The following DNAH9 variants were observed in gnomAD, a reference collection of about 807,000 sequenced individuals.
The protein encoded by DNAH9 is DNAH9 variant protein.
In DNAH9, 345 loss-of-function variants were observed where a neutral mutation model predicts 471.6. The ratio of observed to expected loss-of-function variants is 0.73; its 90% CI spans 0.67 to 0.80. DNAH9 has a LOEUF of 0.80. Ranked by LOEUF, DNAH9 falls within the 30% of genes least tolerant of loss-of-function variation. DNAH9 has a pLI of 0.00. For missense variants in DNAH9, 5,407 were observed against 5,609.2 expected, an observed-to-expected ratio of 0.96 and a Z score of 1.15; for synonymous variants, 2,093 against 2,123.6, an observed-to-expected ratio of 0.99 and a Z score of 0.40.
At chr17:11,874,576 C>T (rs761369295) in intron 52 of DNAH9, among the ~76,000 whole-genome samples, 2 of 152,100 alleles carry the variant, frequency 1.3e-5, no homozygotes, top group Non-Finnish European at 2.9e-5. Context: ...GTTCATGGAG[C>T]GTGCACAAGA....
Position 11,689,044 on chromosome 17 carries a change from G to A in DNAH9, c.3744-522G>A, listed in dbSNP as rs371885337. Among the ~76,000 whole-genome samples the A allele has an allele frequency of 7.2e-5, 11 of 151,894 alleles. No homozygotes were observed. In the South Asian group the frequency reaches 2.1e-3, roughly 29 times the overall value. ...CGGGAGGCAGAGTTTGCAGTGAGCC[G>A]AGATCACGCCACTGCACTCCAGCCT... On this transcript the variant is annotated intron_variant, in intron 19 of 68. Transcript: ENST00000262442.
Position 11,623,507 on chromosome 17 carries a change from C to T in DNAH9, c.1350+3726C>T, listed in dbSNP as rs2072914437. ...AATCTCCCAAATGTCTGCTTAGATG[C>T]ATCGCCCTTGCCCTTTGCCATCTTC... On this transcript the variant is annotated intron_variant, in intron 6 of 68. Transcript: ENST00000262442. The surrounding 1 kb of genome is among the most constrained non-coding windows in gnomAD (Gnocchi z 4.1). Among the ~76,000 whole-genome samples, 1 of 152,136 alleles carries T rather than the reference C, an allele frequency of 6.6e-6. No individual in the cohort carries two copies. The highest frequency in any genetic ancestry group is 6.6e-5 in the Admixed American group (1 of 15,260).
intron 42 of DNAH9, among the ~76,000 whole-genome samples, chr17:11,794,415 G>A (rs1178728337): frequency 6.6e-6 from 1 of 152,132 alleles, no homozygotes; most frequent in African/African-American, 2.4e-5. Flanking sequence ...CTGAAAATTT[G>A]GTCTAATAAT....
At chr17:11,713,013 C>T (rs2074899995) in intron 26 of DNAH9, among the ~76,000 whole-genome samples, 1 of 151,978 alleles carries the variant, frequency 6.6e-6, no homozygotes, top group Non-Finnish European at 1.5e-5. Context: ...GGTATTAAGT[C>T]CAGTGCCCAT....
chr17:11,637,899 A>G (rs1292770386), intron 9 of DNAH9, among the ~76,000 whole-genome samples: 2 of 152,144 alleles, frequency 1.3e-5, no homozygotes, highest in East Asian at 1.9e-4. Context: ...GCTTATGGAA[A>G]AGGTAGTCTT....
intron 14 of DNAH9, among the ~76,000 whole-genome samples, chr17:11,664,290 TGAGAGA>T (rs147301920): frequency 1.5e-5 from 2 of 129,698 alleles, no homozygotes; most frequent in Non-Finnish European, 3.4e-5. Flanking sequence ...AGAGAGAGAG[TGAGAGA>T]GAGAGAGAGA....
chr17:11,953,492 A>G (rs1311830543), intron 67 of DNAH9, among the ~76,000 whole-genome samples: 1 of 152,208 alleles, frequency 6.6e-6, no homozygotes, highest in Non-Finnish European at 1.5e-5. Context: ...GTTAATGGGC[A>G]TAATCCATCA....
chr17:11,811,077 C>A (rs1170866327), intron 45 of DNAH9, among the ~76,000 whole-genome samples: 9 of 152,170 alleles, frequency 5.9e-5, no homozygotes. Flanking sequence ...CTTTGGGAGG[C>A]CAAGGTGGGT....
chr17:11,816,132 A>G (rs1970087433), intron 45 of DNAH9, among the ~76,000 whole-genome samples: 1 of 152,176 alleles, frequency 6.6e-6, no homozygotes, highest in South Asian at 2.1e-4. Context: ...CCATATTCCT[A>G]CAGCACTCGA....
Position 11,747,581 on chromosome 17 carries a change from C to T in DNAH9, c.6425C>T (p.Ala2142Val). ...GTGGTCCAGCTGGAGGAGCTCCTGG[C>T]TGTGCGGCACTCTGTATTTGTGGTG... ...LKVVQLEELLAVRHSVFVVGG... is the reference protein window; with the variant it reads ...LKVVQLEELLVVRHSVFVVGG... Residue 2142 changes from alanine (A) to valine (V), a missense_variant, in exon 32 of 69, where the codon GCT becomes GTT. By Grantham distance (64) the Ala-to-Val change is moderately conservative. Coordinates refer to ENST00000262442, the MANE Select transcript of DNAH9 (RefSeq NM_001372.4). 3 of 1,613,828 alleles carry T rather than the reference C, an allele frequency of 1.9e-6. No individual in the cohort carries two copies. Among genetic ancestry groups the T allele is most frequent in the Non-Finnish European group, 2.5e-6 (3 of 1,180,016 alleles).
chr17:11,623,855 A>G lies in DNAH9; in HGVS notation c.1350+4074A>G, dbSNP rs1418725585. Among the ~76,000 whole-genome samples, 3 of 152,134 alleles carry G rather than the reference A, an allele frequency of 2.0e-5. No homozygotes were observed. The highest frequency in any genetic ancestry group is 7.2e-5 in the African/African-American group (3 of 41,432). ...GAAGGGCTGGTTTTTAATCCCCACAATTCTCCCAGATTTCATTTCTCTGAT... is the reference window on the plus strand; with the variant it reads ...GAAGGGCTGGTTTTTAATCCCCACAGTTCTCCCAGATTTCATTTCTCTGAT... On this transcript the variant is annotated intron_variant, in intron 6 of 68. Transcript: ENST00000262442. This position sits in a 1 kb window ranked among gnomAD's most constrained non-coding sequence, Gnocchi z 4.1.
At position 11,800,531 on chromosome 17, in the gene DNAH9, C is replaced by A. The variant is rs117545027; in HGVS notation, c.8420+2738C>A. On this transcript the variant is annotated intron_variant, in intron 43 of 68. Coordinates refer to ENST00000262442, the MANE Select transcript of DNAH9 (RefSeq NM_001372.4). The stretch of plus-strand genomic sequence containing the variant: ...CTCTTACATTCCTTTCCATCTACTA[C>A]CCCCATTTCTCCGCTCCTATCCGCA... 6.4e-4 allele frequency among the ~76,000 whole-genome samples: 98 copies of A among 152,250 alleles called. 2 individuals carry two copies. In the East Asian group the frequency reaches 0.019, roughly 29 times the overall value.
At chr17:11,778,329 CAAAAAAAAAAAAAAAAAAAAAA>C (rs57983162) in intron 38 of DNAH9, among the ~76,000 whole-genome samples, 19 of 48,642 alleles carry the variant, frequency 3.9e-4, no homozygotes, top group South Asian at 3.7e-3. Flanking sequence ...GACTCCATCT[CAAAAAAAAAAAAAAAAAAAAAA>C]AAAAAAAAAA....
chr17:11,731,707 T>C (rs552507408), intron 28 of DNAH9, among the ~76,000 whole-genome samples: 32 of 152,224 alleles, frequency 2.1e-4, no homozygotes, highest in Admixed American at 1.1e-3. Context: ...GCTTCATCCA[T>C]GTCCCTGCAA....
intron 45 of DNAH9, among the ~76,000 whole-genome samples, chr17:11,813,180 C>T (rs760542134): frequency 4.0e-5 from 6 of 151,762 alleles, no homozygotes; most frequent in Admixed American, 2.0e-4. Context: ...TGCAATCAGC[C>T]GGTTCCAAAG....
intron 49 of DNAH9, among the ~76,000 whole-genome samples, chr17:11,852,346 G>A (rs1458171822): frequency 1.3e-5 from 2 of 152,272 alleles, no homozygotes; most frequent in African/African-American, 2.4e-5. Context: ...GGAGCTGGGC[G>A]TGGGAGTCTG....
Position 11,626,947 on chromosome 17 carries a change from G to A in DNAH9, c.1351-2470G>A, listed in dbSNP as rs544239320. ...GACTCTTCCAGGCACTGGAAATACCGAGATACCTTTGGGGCATTTACAACT... is the reference window on the plus strand; with the variant it reads ...GACTCTTCCAGGCACTGGAAATACCAAGATACCTTTGGGGCATTTACAACT... On this transcript the variant is annotated intron_variant, in intron 6 of 68. Coordinates refer to ENST00000262442, the MANE Select transcript of DNAH9 (RefSeq NM_001372.4). The surrounding 1 kb of genome is among the most constrained non-coding windows in gnomAD (Gnocchi z 4.3). Among the ~76,000 whole-genome samples, 2 of 152,118 alleles carry A rather than the reference G, an allele frequency of 1.3e-5. No homozygotes were observed. Among genetic ancestry groups the A allele is most frequent in the Admixed American group, 6.5e-5 (1 of 15,270 alleles).
At chr17:11,727,074 A>AAAAAAC (rs1567753041) in intron 27 of DNAH9, among the ~76,000 whole-genome samples, 2 of 139,946 alleles carry the variant, frequency 1.4e-5, no homozygotes, top group African/African-American at 5.7e-5. Context: ...AAAAAAAAAA[A>AAAAAAC]AAACCCGCTG....
At chr17:11,950,903 C>T (rs1350670737) in intron 67 of DNAH9, among the ~76,000 whole-genome samples, 8 of 152,252 alleles carry the variant, frequency 5.3e-5, no homozygotes, top group African/African-American at 1.7e-4. Context: ...ACATCCCAAA[C>T]GACCAGGACA....
Sources: gnomAD v4.1 joint callset for allele counts (sites outside exome capture counted in the v4.1 genomes callset) on GRCh38, gnomAD v4.1.1 for gene constraint, Gnocchi (gnomAD v3.1) non-coding constraint, MANE v1.5 for transcripts, NCBI Gene and HGNC (gene_info 2026-07-23, HGNC 2026-07-21) for gene names.